Variants in GRIA3 observed in about 807,000 individuals in gnomAD.
GRIA3 encodes the protein glutamate receptor 3.
In GRIA3, 3 loss-of-function variants were observed where a neutral mutation model predicts 63.0. That is an observed-to-expected ratio of 0.05 (90% CI 0.02 to 0.12). The LOEUF is 0.12. Ranked by LOEUF, GRIA3 falls within the 10% of genes least tolerant of loss-of-function variation. The pLI is 1.00. For synonymous variants in GRIA3, 274 were observed against 257.9 expected (o/e 1.06, Z -0.60); for missense variants, 347 against 700.9 (o/e 0.50, Z 5.70).
intron 4 of GRIA3, among the ~76,000 whole-genome samples, chrX:123,334,809 CT>C (rs1289078566): frequency 9.0e-6 from 1 of 110,751 alleles, no homozygotes; most frequent in African/African-American, 3.3e-5. Context: ...CTCTCTACAT[CT>C]CCATTTCCTG....
At chrX:123,381,585 A>G (rs907888992) in intron 5 of GRIA3, among the ~76,000 whole-genome samples, 5 of 111,691 alleles carry the variant, frequency 4.5e-5, no homozygotes, top group African/African-American at 1.3e-4. Flanking sequence ...GCCCTTGTAC[A>G]GTACCTCTCT....
At chrX:123,457,512 A>G (rs1228202321) in intron 12 of GRIA3, among the ~76,000 whole-genome samples, 3 of 112,002 alleles carry the variant, frequency 2.7e-5, no homozygotes, top group Non-Finnish European at 5.6e-5. Flanking sequence ...AATTACATGC[A>G]TAAAGCTGGC....
chrX:123,382,978 T>C (rs1404168357), intron 5 of GRIA3, among the ~76,000 whole-genome samples: 1 of 111,885 alleles, frequency 8.9e-6, no homozygotes, highest in Non-Finnish European at 1.9e-5. Flanking sequence ...TCAAGAAAGA[T>C]GGCTCTACTT....
At chrX:123,391,410 G>A (rs779635506) in intron 5 of GRIA3, among the ~76,000 whole-genome samples, 2 of 111,924 alleles carry the variant, frequency 1.8e-5, no homozygotes, top group East Asian at 5.6e-4. Flanking sequence ...TTATCTGGCT[G>A]TAAACAGCAT....
chrX:123,357,746 T>C lies in GRIA3; in HGVS notation c.750+2783T>C, dbSNP rs545908834. On this transcript the variant is annotated intron_variant, in intron 5 of 15. Coordinates refer to ENST00000620443, the MANE Select transcript of GRIA3 (RefSeq NM_007325.5). Reference sequence around the variant, plus strand: ...AGAATTATGAGACTTTGGGGGAATGTCTACTACAAGAACAAGCAAAGTCTG... The same window carrying C: ...AGAATTATGAGACTTTGGGGGAATGCCTACTACAAGAACAAGCAAAGTCTG... Among the ~76,000 whole-genome samples the C allele has an allele frequency of 5.2e-4, 58 of 111,310 alleles. 1 individual carries two copies. The South Asian group carries it at 0.021, about 40-fold the overall frequency.
rs763020411 is a variant in GRIA3 at position 123,403,107 on chromosome X, C to A, written c.1185+9C>A. 4.2e-5 allele frequency: 38 copies of A among 902,636 alleles called. No homozygotes were observed. In the South Asian group the frequency reaches 6.9e-4, roughly 16 times the overall value. 74.4% of individuals were successfully genotyped at this position (902,636 alleles called of 1,213,427 possible). ...TCAGTGGCTCTCGAAAAGTAAGTAACCAAAACAGACATTTAAAGAAAAGGA... is the reference window on the plus strand; with the variant it reads ...TCAGTGGCTCTCGAAAAGTAAGTAAACAAAACAGACATTTAAAGAAAAGGA... On this transcript the variant is annotated intron_variant, in intron 8 of 15. Transcript: ENST00000620443.
rs997957596 is a variant in GRIA3 at position 123,257,099 on chromosome X, C to A, written c.508+3557C>A. Reference sequence around the variant, plus strand: ...GATCTTGCCTACCTCTAAACACCCACAGAACCCTTCTGTCCATGTCATTCA... The same window carrying A: ...GATCTTGCCTACCTCTAAACACCCAAAGAACCCTTCTGTCCATGTCATTCA... On this transcript the variant is annotated intron_variant, in intron 3 of 15. Transcript: ENST00000620443. Among the ~76,000 whole-genome samples the A allele has an allele frequency of 3.6e-5, 4 of 111,309 alleles. No homozygotes were observed. The East Asian group carries it at 8.5e-4, about 24-fold the overall frequency.
chrX:123,246,334 G>C (rs2044359366), intron 2 of GRIA3, among the ~76,000 whole-genome samples: 2 of 111,940 alleles, frequency 1.8e-5, no homozygotes, highest in South Asian at 3.8e-4. Flanking sequence ...GTCTGGTACA[G>C]GTCTCACCAG....
intron 5 of GRIA3, among the ~76,000 whole-genome samples, chrX:123,373,550 C>T (rs187632558): frequency 2.0e-4 from 22 of 111,885 alleles, no homozygotes; most frequent in African/African-American, 6.5e-4. Context: ...GCTATTCTGA[C>T]TGGTGTGAGA....
chrX:123,464,012 G>C (rs908214715), intron 12 of GRIA3, among the ~76,000 whole-genome samples: 3 of 111,119 alleles, frequency 2.7e-5, no homozygotes, highest in African/African-American at 9.8e-5. Flanking sequence ...GAAAACCAAA[G>C]TTGTGAGAGT....
intron 4 of GRIA3, among the ~76,000 whole-genome samples, chrX:123,349,218 T>A (rs2045076232): frequency 8.9e-6 from 1 of 112,289 alleles, no homozygotes; most frequent in South Asian, 3.7e-4. Flanking sequence ...TGTTTTAGGA[T>A]TAAGACAATG....
intron 2 of GRIA3, among the ~76,000 whole-genome samples, chrX:123,246,595 G>C (rs2044360587): frequency 9.0e-6 from 1 of 111,325 alleles, no homozygotes; most frequent in African/African-American, 3.3e-5. Context: ...AGATAATCCA[G>C]GATATTCTTG....
At chrX:123,386,493 T>C (rs186327204) in intron 5 of GRIA3, among the ~76,000 whole-genome samples, 351 of 111,695 alleles carry the variant, frequency 3.1e-3, no homozygotes, top group Admixed American at 6.2e-3. Flanking sequence ...TTGTTTTTGT[T>C]GCCTGTGCTT....
intron 13 of GRIA3, among the ~76,000 whole-genome samples, chrX:123,475,785 G>C (rs1158499958): frequency 9.0e-6 from 1 of 111,621 alleles, no homozygotes; most frequent in African/African-American, 3.3e-5. Context: ...GAGTATGGGG[G>C]TCCCTAAAGG....
At chrX:123,426,034 GCT>G (rs1368327639) in intron 11 of GRIA3, among the ~76,000 whole-genome samples, 1 of 110,717 alleles carries the variant, frequency 9.0e-6, no homozygotes. Context: ...TGATTTGCCG[GCT>G]CTCAGCCCAG....
rs765763529 is a variant in GRIA3 at position 123,372,811 on chromosome X, T to A, written c.750+17848T>A. Reference sequence around the variant, plus strand: ...TTTCCAAATATAAGATCATATCATCTACAAAGATAATTTGGATAATTTGAC... The same window carrying A: ...TTTCCAAATATAAGATCATATCATCAACAAAGATAATTTGGATAATTTGAC... On this transcript the variant is annotated intron_variant, in intron 5 of 15. Coordinates refer to ENST00000620443, the MANE Select transcript of GRIA3 (RefSeq NM_007325.5). Among the ~76,000 whole-genome samples, 51 of 111,599 alleles carry A rather than the reference T, an allele frequency of 4.6e-4. 1 individual carries two copies. The South Asian group carries it at 0.018, about 40-fold the overall frequency.
At chrX:123,231,881 G>A (rs1343690173) in intron 2 of GRIA3, among the ~76,000 whole-genome samples, 1 of 111,541 alleles carries the variant, frequency 9.0e-6, no homozygotes, top group Non-Finnish European at 1.9e-5. Flanking sequence ...TGTGTAGTAG[G>A]AAGGAGGCAT....
chrX:123,469,110 C>T (rs1484850659), intron 13 of GRIA3, among the ~76,000 whole-genome samples: 1 of 112,477 alleles, frequency 8.9e-6, no homozygotes, highest in Non-Finnish European at 1.9e-5. Flanking sequence ...CAACGCCTGA[C>T]ATTTATAAGT....
At chrX:123,332,320 T>C (rs2147336859) in intron 4 of GRIA3, among the ~76,000 whole-genome samples, 1 of 112,038 alleles carries the variant, frequency 8.9e-6, no homozygotes, top group East Asian at 2.8e-4. Flanking sequence ...GCATTTTTAA[T>C]AACAAATATA....
Sources: allele counts gnomAD v4.1 joint callset (sites outside exome capture counted in the v4.1 genomes callset), GRCh38; gene constraint gnomAD v4.1.1; transcripts MANE v1.5; gene names NCBI Gene and HGNC (gene_info 2026-07-23, HGNC 2026-07-21).